Variants in TCF7L1 observed in about 807,000 individuals in gnomAD.
TCF7L1 encodes transcription factor 7 like 1.
Under a neutral mutation model 63.7 loss-of-function variants are expected in TCF7L1, and 18 were observed. That is an observed-to-expected ratio of 0.28 (90% CI 0.20 to 0.42). TCF7L1 has a LOEUF of 0.42. TCF7L1 is among the 10% of genes least tolerant of loss of function. TCF7L1 has a pLI of 1.00. For missense variants in TCF7L1, 654 were observed against 779.3 expected (o/e 0.84, Z 1.91); for synonymous variants, 355 against 340.9 (o/e 1.04, Z -0.46).
intron 4 of TCF7L1, among the ~76,000 whole-genome samples, chr2:85,288,651 A>G (rs577390297): frequency 1.3e-5 from 2 of 152,344 alleles, no homozygotes; most frequent in East Asian, 3.9e-4. Context: ...AAGTATGTCT[A>G]AGCAAGTCAC....
At chr2:85,246,841 C>T (rs1680478671) in intron 3 of TCF7L1, among the ~76,000 whole-genome samples, 1 of 152,172 alleles carries the variant, frequency 6.6e-6, no homozygotes, top group Admixed American at 6.5e-5. Context: ...TTTTGACCAC[C>T]ACCCTCCTTC....
At chr2:85,145,027 G>A (rs1677846832) in intron 3 of TCF7L1, among the ~76,000 whole-genome samples, 1 of 150,458 alleles carries the variant, frequency 6.6e-6, no homozygotes, top group Admixed American at 6.6e-5. Flanking sequence ...AGAGGCTGCA[G>A]TGAGCCAAGA....
chr2:85,176,293 CTGT>C (rs1324692646), intron 3 of TCF7L1, among the ~76,000 whole-genome samples: 1 of 152,172 alleles, frequency 6.6e-6, no homozygotes, highest in African/African-American at 2.4e-5. Context: ...ACACTGCAGC[CTGT>C]TGTGGTATGA....
intron 3 of TCF7L1, among the ~76,000 whole-genome samples, chr2:85,202,490 CT>C (rs1275347950): frequency 6.6e-6 from 1 of 152,130 alleles, no homozygotes; most frequent in Non-Finnish European, 1.5e-5. Context: ...ATCATTTGTG[CT>C]TTAGGTGTCA....
At chr2:85,252,386 G>A (rs759825612) in intron 3 of TCF7L1, among the ~76,000 whole-genome samples, 2 of 152,232 alleles carry the variant, frequency 1.3e-5, no homozygotes, top group Non-Finnish European at 2.9e-5. Context: ...GTTATACCCT[G>A]TGATAATTTA....
chr2:85,157,603 A>G (rs1211213490), intron 3 of TCF7L1, among the ~76,000 whole-genome samples: 2 of 152,226 alleles, frequency 1.3e-5, no homozygotes, highest in Non-Finnish European at 2.9e-5. Context: ...AAGATGCTGA[A>G]CTGGGGACCC....
chr2:85,261,575 G>A (rs938937955), intron 3 of TCF7L1, among the ~76,000 whole-genome samples: 4 of 152,212 alleles, frequency 2.6e-5, no homozygotes, highest in Admixed American at 1.3e-4. Context: ...AAGCAATCAG[G>A]TGAGTTGAAG....
At chr2:85,154,461 G>A (rs1409290789) in intron 3 of TCF7L1, among the ~76,000 whole-genome samples, 2 of 152,138 alleles carry the variant, frequency 1.3e-5, no homozygotes, top group Non-Finnish European at 2.9e-5. Context: ...GAATCTCACA[G>A]AAGGGAGTGT....
chr2:85,227,978 C>T (rs1019961893), intron 3 of TCF7L1, among the ~76,000 whole-genome samples: 2 of 111,366 alleles, frequency 1.8e-5, no homozygotes, highest in East Asian at 3.0e-4. Flanking sequence ...AGTGACAGAG[C>T]AAGACCCTGT....
chr2:85,269,375 G>A (rs961779086), intron 3 of TCF7L1, among the ~76,000 whole-genome samples: 3 of 152,172 alleles, frequency 2.0e-5, no homozygotes, highest in African/African-American at 7.2e-5. Context: ...AACTTTGCCT[G>A]TAACATGCAT....
chr2:85,250,312 C>A (rs541087204), intron 3 of TCF7L1, among the ~76,000 whole-genome samples: 2 of 152,274 alleles, frequency 1.3e-5, no homozygotes, highest in Non-Finnish European at 2.9e-5. Flanking sequence ...CTGCAATAGA[C>A]CAAAGCCATA....
intron 3 of TCF7L1, among the ~76,000 whole-genome samples, chr2:85,258,208 A>G (rs1680766759): frequency 6.6e-6 from 1 of 152,062 alleles, no homozygotes; most frequent in African/African-American, 2.4e-5. Context: ...GCCTGTGCAC[A>G]CTGTACCCTT....
intron 3 of TCF7L1, among the ~76,000 whole-genome samples, chr2:85,158,992 C>G (rs1215702131): frequency 6.6e-6 from 1 of 152,180 alleles, no homozygotes; most frequent in African/African-American, 2.4e-5. Context: ...TTGTCTTAAC[C>G]CCAGGCAAGT....
chr2:85,279,471 G>A (rs184499493), intron 3 of TCF7L1, among the ~76,000 whole-genome samples: 9 of 152,324 alleles, frequency 5.9e-5, no homozygotes, highest in African/African-American at 2.2e-4. Flanking sequence ...CTGATGCTAG[G>A]AATTCAGAAC....
chr2:85,168,771 G>A (rs1574088273), intron 3 of TCF7L1, among the ~76,000 whole-genome samples: 2 of 152,038 alleles, frequency 1.3e-5, no homozygotes, highest in Non-Finnish European at 2.9e-5. Flanking sequence ...ACAGGCACCC[G>A]CTACCACACC....
At chr2:85,293,274 G>T (rs1443742405) in intron 4 of TCF7L1, among the ~76,000 whole-genome samples, 1 of 152,224 alleles carries the variant, frequency 6.6e-6, no homozygotes, top group East Asian at 1.9e-4. Flanking sequence ...CACGGGAGTG[G>T]TCCTTCATGA....
At chr2:85,183,340 A>G (rs1678848224) in intron 3 of TCF7L1, among the ~76,000 whole-genome samples, 1 of 152,128 alleles carries the variant, frequency 6.6e-6, no homozygotes, top group Admixed American at 6.5e-5. Flanking sequence ...AAGGGGAGTC[A>G]CCTAGGACTT....
intron 3 of TCF7L1, among the ~76,000 whole-genome samples, chr2:85,259,217 C>G (rs1680798439): frequency 6.6e-6 from 1 of 152,250 alleles, no homozygotes; most frequent in Admixed American, 6.5e-5. Flanking sequence ...GATGAGTGTT[C>G]TGGGGCCTGT....
At chr2:85,251,963 C>T (rs1306383623) in intron 3 of TCF7L1, among the ~76,000 whole-genome samples, 1 of 152,074 alleles carries the variant, frequency 6.6e-6, no homozygotes, top group Non-Finnish European at 1.5e-5. Flanking sequence ...TAATCCTAGC[C>T]ACTTGGGAGG....
Sources: gnomAD v4.1 joint callset for allele counts (sites outside exome capture counted in the v4.1 genomes callset) on GRCh38, gnomAD v4.1.1 for gene constraint, MANE v1.5 for transcripts, NCBI Gene and HGNC (gene_info 2026-07-23, HGNC 2026-07-21) for gene names.